Variants in OTOGL observed in about 807,000 individuals in gnomAD.
The protein encoded by OTOGL is otogelin-like protein.
Under a neutral mutation model 318.5 loss-of-function variants are expected in OTOGL, and 285 were observed. The ratio of observed to expected loss-of-function variants is 0.89; its 90% CI spans 0.81 to 0.99. The LOEUF is 0.99. OTOGL is among the 50% of genes least tolerant of loss of function. The pLI is 0.00. For synonymous variants in OTOGL, 987 were observed against 936.5 expected, an observed-to-expected ratio of 1.05 and a Z score of -0.99; for missense variants, 2,899 against 2,845.6, an observed-to-expected ratio of 1.02 and a Z score of -0.43.
intron 55 of OTOGL, among the ~76,000 whole-genome samples, chr12:80,368,759 G>A (rs1267695092): frequency 6.6e-6 from 1 of 151,068 alleles, no homozygotes; most frequent in African/African-American, 2.4e-5. Flanking sequence ...AAATAGTCAG[G>A]TTCATCAGAA....
intron 1 of OTOGL, among the ~76,000 whole-genome samples, chr12:80,128,264 G>T (rs1870986832): frequency 6.6e-6 from 1 of 152,154 alleles, no homozygotes; most frequent in Non-Finnish European, 1.5e-5. Flanking sequence ...TAACAGTCAG[G>T]ACCCTCAGCT....
chr12:80,311,737 C>T (rs918794192), intron 30 of OTOGL, among the ~76,000 whole-genome samples: 3 of 152,074 alleles, frequency 2.0e-5, no homozygotes, highest in African/African-American at 4.8e-5. Context: ...GAAATGAGTC[C>T]GTGTCTTTAA....
intron 11 of OTOGL, among the ~76,000 whole-genome samples, chr12:80,251,148 T>A (rs1410216178): frequency 1.3e-5 from 2 of 152,250 alleles, no homozygotes; most frequent in Non-Finnish European, 2.9e-5. Context: ...AACTACGTTT[T>A]GGATTCTTAT....
chr12:80,362,137 C>A (rs539876414), intron 52 of OTOGL, among the ~76,000 whole-genome samples: 1 of 152,014 alleles, frequency 6.6e-6, no homozygotes, highest in Non-Finnish European at 1.5e-5. Context: ...GTCTTTAATC[C>A]CCTTGGAGTT....
At chr12:80,237,699 T>G (rs1879989797) in intron 9 of OTOGL, among the ~76,000 whole-genome samples, 1 of 152,162 alleles carries the variant, frequency 6.6e-6, no homozygotes, top group Non-Finnish European at 1.5e-5. Context: ...TAGGCTATGG[T>G]AAAGTTTAGG....
rs557947188 is a variant in OTOGL at position 80,320,532 on chromosome 12, C to T, written c.3913C>T (p.Arg1305Trp). ...ELWEANSAFH[R>W]RATFFHHQGL... Reference sequence around the variant, plus strand: ...GTGGGAGGCGAATTCAGCCTTTCATCGGAGAGCAACATTTTTCCACCATCA... The same window carrying T: ...GTGGGAGGCGAATTCAGCCTTTCATTGGAGAGCAACATTTTTCCACCATCA... The change falls in exon 34 of 59, where the codon CGG becomes TGG. Residue 1305 changes from arginine to tryptophan, a missense_variant. Physicochemically the swap from Arg to Trp is moderately radical, Grantham distance 101. This residue lies in a region of OTOGL where 2,607 missense variants were observed against 2,524.9 expected (regional missense o/e 1.03). Coordinates refer to ENST00000547103, the MANE Select transcript of OTOGL (RefSeq NM_001378609.3). 418 of 1,613,598 alleles carry T rather than the reference C, an allele frequency of 2.6e-4. No individual in the cohort carries two copies. The highest frequency in any genetic ancestry group is 3.4e-4 in the Non-Finnish European group (399 of 1,179,720).
intron 6 of OTOGL, among the ~76,000 whole-genome samples, chr12:80,220,392 C>G (rs1878193255): frequency 6.6e-6 from 1 of 152,112 alleles, no homozygotes; most frequent in African/African-American, 2.4e-5. Context: ...CTCCTGAACT[C>G]AGGTGATCCT....
chr12:80,180,810 G>A (rs998348086), intron 1 of OTOGL, among the ~76,000 whole-genome samples: 5 of 152,132 alleles, frequency 3.3e-5, no homozygotes, highest in Admixed American at 3.3e-4. Context: ...AAACCAAGGT[G>A]CCATGAGCTT....
At chr12:80,323,306 G>A (rs1046116745) in intron 34 of OTOGL, among the ~76,000 whole-genome samples, 2 of 152,128 alleles carry the variant, frequency 1.3e-5, no homozygotes, top group African/African-American at 4.8e-5. Context: ...CTTTCCTGTA[G>A]CATTGTAGTC....
intron 24 of OTOGL, among the ~76,000 whole-genome samples, chr12:80,273,139 G>A (rs531481459): frequency 8.5e-5 from 13 of 152,144 alleles, no homozygotes; most frequent in African/African-American, 2.6e-4. Context: ...ATTACAAAAC[G>A]TTAAGGAGAT....
intron 11 of OTOGL, among the ~76,000 whole-genome samples, chr12:80,245,995 T>A (rs1176650148): frequency 6.7e-4 from 97 of 144,638 alleles, no homozygotes; most frequent in African/African-American, 2.6e-3. Context: ...ATGCTTGTGA[T>A]TTTTGTACAT....
chr12:80,353,102 C>T (rs1382569446), intron 45 of OTOGL, among the ~76,000 whole-genome samples: 3 of 152,080 alleles, frequency 2.0e-5, no homozygotes. Context: ...CTAATCCTAG[C>T]AGACCCTTAG....
intron 1 of OTOGL, among the ~76,000 whole-genome samples, chr12:80,100,049 T>C (rs967630892): frequency 2.0e-5 from 3 of 152,208 alleles, no homozygotes; most frequent in African/African-American, 7.2e-5. Context: ...CTGCCCATTT[T>C]CTGTTACTCT....
At chr12:80,224,845 A>G (rs1878682322) in intron 7 of OTOGL, among the ~76,000 whole-genome samples, 1 of 152,032 alleles carries the variant, frequency 6.6e-6, no homozygotes, top group Admixed American at 6.6e-5. Context: ...CAACTGGGTG[A>G]CTATAGTCAA....
chr12:80,214,213 G>T (rs79567448), intron 4 of OTOGL, among the ~76,000 whole-genome samples: 1 of 152,182 alleles, frequency 6.6e-6, no homozygotes, highest in East Asian at 1.9e-4. Flanking sequence ...ATAGACTTAG[G>T]TGCAGGTCAT....
At chr12:80,108,978 G>T (rs1869669915) in intron 1 of OTOGL, among the ~76,000 whole-genome samples, 1 of 142,638 alleles carries the variant, frequency 7.0e-6, no homozygotes, top group African/African-American at 2.7e-5. Context: ...ATAATTTACG[G>T]TTATCATTAT....
chr12:80,249,640 T>G (rs369558010), intron 11 of OTOGL, among the ~76,000 whole-genome samples: 9,688 of 151,418 alleles, frequency 0.064, 431 homozygotes, highest in Middle Eastern at 0.1. Context: ...CCTGCCACCA[T>G]AGGTGGAGCC....
intron 1 of OTOGL, chr12:80,131,063 C>G (rs571677512): frequency 1.3e-5 from 2 of 152,204 alleles, no homozygotes; most frequent in Non-Finnish European, 2.9e-5. Context: ...AGGGTTGAGA[C>G]AGTCGGAACC....
chr12:80,342,105 T>G lies in OTOGL; in HGVS notation c.5208T>G (p.Asp1736Glu). 3 of 1,604,506 alleles carry G rather than the reference T, an allele frequency of 1.9e-6. No homozygotes were observed. Among genetic ancestry groups the G allele is most frequent in the Non-Finnish European group, 2.6e-6 (3 of 1,174,836 alleles). Reference protein sequence around the residue: ...RRPVRNCTEHDCSQCIDLLNR... With the variant: ...RRPVRNCTEHECSQCIDLLNR... Reference sequence around the variant, plus strand: ...CTGTTAGGAATTGTACTGAGCATGATTGCAGCCAGTGCATTGATTTATTAA... The same window carrying G: ...CTGTTAGGAATTGTACTGAGCATGAGTGCAGCCAGTGCATTGATTTATTAA... Residue 1736 changes from aspartate to glutamate, a missense_variant, in exon 44 of 59, where the codon GAT becomes GAG. Asp to Glu is a conservative substitution (Grantham distance 45). Coordinates refer to ENST00000547103, the MANE Select transcript of OTOGL (RefSeq NM_001378609.3).
Sources: gnomAD v4.1 joint callset for allele counts (sites outside exome capture counted in the v4.1 genomes callset) on GRCh38, gnomAD v4.1.1 for gene constraint, gnomAD v4.1.1 regional missense constraint, MANE v1.5 for transcripts, NCBI Gene and HGNC (gene_info 2026-07-23, HGNC 2026-07-21) for gene names.